The following MCPH1 variants were observed in gnomAD, a reference collection of about 807,000 sequenced individuals.
The protein encoded by MCPH1 is microcephalin.
MCPH1 carries 104 observed loss-of-function variants against 84.5 expected under a neutral mutation model. The ratio of observed to expected loss-of-function variants is 1.23; its 90% CI spans 1.05 to 1.45. MCPH1 has a LOEUF of 1.45. MCPH1 is among the 40% of genes most tolerant of loss of function. The pLI, the probability that MCPH1 is intolerant of heterozygous loss-of-function variation, is 0.00. For synonymous variants in MCPH1, 514 were observed against 366.8 expected, an observed-to-expected ratio of 1.40 and a Z score of -4.58; for missense variants, 1,498 against 1,005.7, an observed-to-expected ratio of 1.49 and a Z score of -6.62.
chr8:6,425,660 G>A (rs762173587), intron 3 of MCPH1, among the ~76,000 whole-genome samples: 23 of 152,226 alleles, frequency 1.5e-4, no homozygotes, highest in Non-Finnish European at 4.4e-5. Context: ...TCAGGCACAC[G>A]TTTTCCTGGG....
At chr8:6,519,831 C>G in intron 12 of MCPH1, 1 of 1,610,060 alleles carries the variant, frequency 6.2e-7, no homozygotes, top group South Asian at 1.1e-5. Context: ...TGCCTAGAGC[C>G]AGGGAGTTAG....
At chr8:6,432,656 C>T (rs1030148794) in intron 4 of MCPH1, among the ~76,000 whole-genome samples, 15 of 152,224 alleles carry the variant, frequency 9.9e-5, no homozygotes, top group African/African-American at 3.6e-4. Context: ...ACTACATTTC[C>T]TGTAGACTAG....
chr8:6,626,079 C>A, intron 13 of MCPH1: 1 of 985,404 alleles, frequency 1.0e-6, no homozygotes, highest in Non-Finnish European at 1.2e-6. Flanking sequence ...GTCTGCCTCT[C>A]AAGACCAACA....
Position 6,414,785 on chromosome 8 carries a change from A to C in MCPH1, c.135A>C (p.Lys45Asn), listed in dbSNP as rs374363568. The C allele has an allele frequency of 5.6e-6, 9 of 1,613,800 alleles. No homozygotes were observed. In the East Asian group the frequency reaches 6.7e-5, roughly 12 times the overall value. The part of the protein sequence containing the change: ...MGAKVSKTFN[K>N]QVTHVIFKDG... ...TACAGGTTTCAAAAACTTTTAACAA[A>C]CAAGTAACTCACGTTATCTTCAAAG... The change falls in exon 3 of 14, where the codon AAA becomes AAC. Residue 45 changes from lysine (K) to asparagine (N), a missense_variant. Physicochemically the swap from Lys to Asn is moderately conservative, Grantham distance 94. Transcript: ENST00000344683.
intron 10 of MCPH1, 142 bp from the exon 11 acceptor site, chr8:6,480,572 G>A (rs1269330414): frequency 6.2e-6 from 5 of 807,258 alleles, no homozygotes; most frequent in South Asian, 5.7e-5. Context: ...TTATAAGTCA[G>A]TTAAGATATA....
At chr8:6,431,478 T>C (rs765019060) in intron 3 of MCPH1, 21 bp from the exon 4 acceptor site, 13 of 1,584,046 alleles carry the variant, frequency 8.2e-6, no homozygotes, top group Non-Finnish European at 1.1e-5. Flanking sequence ...CTCATTAGAC[T>C]ACCTTAATTT....
intron 12 of MCPH1, among the ~76,000 whole-genome samples, chr8:6,583,556 AG>A (rs1456173915): frequency 6.6e-6 from 1 of 152,196 alleles, no homozygotes; most frequent in Non-Finnish European, 1.5e-5. Context: ...AAAGGAAGCG[AG>A]GGTGGTGAAC....
chr8:6,435,771 A>G (rs1194958384), intron 4 of MCPH1, among the ~76,000 whole-genome samples: 2 of 152,218 alleles, frequency 1.3e-5, no homozygotes, highest in East Asian at 3.8e-4. Context: ...GAGACTGGCT[A>G]AAAACTTTCA....
chr8:6,534,668 A>G (rs1179904093), intron 12 of MCPH1, among the ~76,000 whole-genome samples: 2 of 152,206 alleles, frequency 1.3e-5, no homozygotes, highest in Admixed American at 1.3e-4. Flanking sequence ...ATAAAAAATC[A>G]GTCACTGATA....
In MCPH1 at chr8:6,594,291, C is replaced by T. The variant is rs570901898; in HGVS notation, c.2215-27163C>T. 1.0e-3 allele frequency among the ~76,000 whole-genome samples: 155 copies of T among 152,280 alleles called. 1 individual carries two copies. Among genetic ancestry groups the T allele is most frequent in the Non-Finnish European group, 1.8e-3 (124 of 68,022 alleles). ...GAATGTTCAGCAGAGCGCCATGAGCCGGGTGAGAGTGGAATGAGTGGTTTA... is the reference window on the plus strand; with the variant it reads ...GAATGTTCAGCAGAGCGCCATGAGCTGGGTGAGAGTGGAATGAGTGGTTTA... On this transcript the variant is annotated intron_variant, in intron 12 of 13. Transcript: ENST00000344683.
At chr8:6,542,888 G>A (rs550687322) in intron 12 of MCPH1, among the ~76,000 whole-genome samples, 8 of 152,318 alleles carry the variant, frequency 5.3e-5, no homozygotes, top group East Asian at 1.9e-4. Context: ...AAACTTAGAT[G>A]ATTTTCTAAA....
chr8:6,532,505 T>C, intron 12 of MCPH1: 3 of 1,588,450 alleles, frequency 1.9e-6, no homozygotes, highest in Admixed American at 1.7e-5. Context: ...AGAACAGTGT[T>C]AGAAGGCAGT....
At chr8:6,480,582 A>AACCTCTC in intron 10 of MCPH1, 132 bp from the exon 11 acceptor site, 1 of 882,742 alleles carries the variant, frequency 1.1e-6, no homozygotes, top group Non-Finnish European at 1.9e-6. Flanking sequence ...GTTAAGATAT[A>AACCTCTC]CGTACCATAA....
At chr8:6,524,161 G>T (rs929568920) in intron 12 of MCPH1, among the ~76,000 whole-genome samples, 1 of 152,120 alleles carries the variant, frequency 6.6e-6, no homozygotes, top group Non-Finnish European at 1.5e-5. Context: ...TTTGCACATT[G>T]CAGAGTTTTG....
At chr8:6,640,343 T>A (rs1356954289) in intron 13 of MCPH1, among the ~76,000 whole-genome samples, 3 of 152,112 alleles carry the variant, frequency 2.0e-5, no homozygotes, top group Non-Finnish European at 2.9e-5. Flanking sequence ...CTATTTCCTA[T>A]GTCCTATAAA....
chr8:6,617,282 T>TG (rs1333920825), intron 12 of MCPH1: 1 of 149,746 alleles, frequency 6.7e-6, no homozygotes, highest in African/African-American at 2.5e-5. Flanking sequence ...TTTTTGTTTT[T>TG]TTTTTTGTTT....
intron 12 of MCPH1, among the ~76,000 whole-genome samples, chr8:6,590,846 G>C (rs974886660): frequency 2.0e-5 from 3 of 152,114 alleles, no homozygotes; most frequent in Non-Finnish European, 2.9e-5. Flanking sequence ...CTTCAGACTC[G>C]GGCCTTTGGA....
intron 9 of MCPH1, among the ~76,000 whole-genome samples, chr8:6,469,196 A>C (rs1563251718): frequency 1.3e-5 from 2 of 152,190 alleles, no homozygotes; most frequent in African/African-American, 2.4e-5. Flanking sequence ...ACAAAAAAGA[A>C]ACTTAAAGAT....
At chr8:6,587,877 G>A (rs1235329929) in intron 12 of MCPH1, among the ~76,000 whole-genome samples, 1 of 152,238 alleles carries the variant, frequency 6.6e-6, no homozygotes, top group Non-Finnish European at 1.5e-5. Context: ...TGGTGATGCA[G>A]TTTATTTGTC....
Sources: allele counts gnomAD v4.1 joint callset (sites outside exome capture counted in the v4.1 genomes callset), GRCh38; gene constraint gnomAD v4.1.1; transcripts MANE v1.5; gene names NCBI Gene and HGNC (gene_info 2026-07-23, HGNC 2026-07-21).